The following MARCO variants were observed in gnomAD, a reference collection of about 807,000 sequenced individuals.
The protein encoded by MARCO is macrophage receptor MARCO.
A neutral mutation model predicts 70.0 loss-of-function variants in MARCO; 72 were observed. The ratio of observed to expected loss-of-function variants is 1.03; its 90% CI spans 0.85 to 1.25. The LOEUF is 1.25. Ranked by LOEUF, MARCO falls within the 50% of genes most tolerant of loss-of-function variation. The pLI is 0.00. For missense variants in MARCO, 696 were observed against 659.3 expected (o/e 1.06, Z -0.61); for synonymous variants, 273 against 243.1 (o/e 1.12, Z -1.14).
At chr2:118,991,926 C>A in intron 14 of MARCO, 51 bp downstream of exon 14, 1 of 1,253,464 alleles carries the variant, frequency 8.0e-7, no homozygotes, top group Non-Finnish European at 1.1e-6. Context: ...GCTTTACAGC[C>A]AGTTCTGTAC....
At chr2:118,963,966 A>G (rs1679996377) in intron 1 of MARCO, among the ~76,000 whole-genome samples, 1 of 152,050 alleles carries the variant, frequency 6.6e-6, no homozygotes, top group Non-Finnish European at 1.5e-5. Context: ...GATTATTTGA[A>G]TAATTTTTAG....
chr2:118,987,166 T>C (rs946223255), intron 12 of MARCO, among the ~76,000 whole-genome samples: 8 of 152,346 alleles, frequency 5.3e-5, no homozygotes, highest in African/African-American at 1.9e-4. Context: ...AAGTAAATAT[T>C]TGGAACCCTT....
chr2:118,951,074 G>A (rs1679713486), intron 1 of MARCO, among the ~76,000 whole-genome samples: 1 of 152,180 alleles, frequency 6.6e-6, no homozygotes, highest in African/African-American at 2.4e-5. Context: ...GCTTGGCTGA[G>A]TGCAAACAGC....
chr2:118,957,251 A>G (rs1193358828), intron 1 of MARCO, among the ~76,000 whole-genome samples: 1 of 152,172 alleles, frequency 6.6e-6, no homozygotes, highest in Non-Finnish European at 1.5e-5. Context: ...AGATAAACGA[A>G]GGAAAGAAGA....
chr2:118,943,727 T>G (rs1280425202), intron 1 of MARCO, among the ~76,000 whole-genome samples: 1 of 152,190 alleles, frequency 6.6e-6, no homozygotes, highest in Admixed American at 6.5e-5. Context: ...TGTATTGTAT[T>G]CACAAGAAAT....
chr2:118,969,894 C>G (rs536152400), intron 2 of MARCO, among the ~76,000 whole-genome samples: 1 of 152,148 alleles, frequency 6.6e-6, no homozygotes, highest in Non-Finnish European at 1.5e-5. Context: ...CTTTAGGCCA[C>G]GCAGAAATGT....
At chr2:118,972,968 A>G (rs189257589) in intron 4 of MARCO, among the ~76,000 whole-genome samples, 31 of 152,308 alleles carry the variant, frequency 2.0e-4, no homozygotes, top group Non-Finnish European at 1.8e-4. Flanking sequence ...GTATGAATAT[A>G]GATGTGCGTA....
intron 16 of MARCO, among the ~76,000 whole-genome samples, chr2:118,993,592 C>T (rs145738315): frequency 6.6e-5 from 10 of 152,222 alleles, no homozygotes; most frequent in African/African-American, 2.4e-4. Flanking sequence ...GGGTGTTTGC[C>T]GCAGATGGCT....
At chr2:118,962,274 T>G (rs756587316) in intron 1 of MARCO, among the ~76,000 whole-genome samples, 1 of 152,210 alleles carries the variant, frequency 6.6e-6, no homozygotes, top group African/African-American at 2.4e-5. Context: ...GGTAGTTTAA[T>G]GGGAAATGTG....
intron 1 of MARCO, chr2:118,945,063 T>A (rs1281529353): frequency 6.6e-6 from 1 of 152,212 alleles, no homozygotes; most frequent in Non-Finnish European, 1.5e-5. Context: ...AAGACTGCTT[T>A]AGTTTCCTGA....
intron 1 of MARCO, among the ~76,000 whole-genome samples, chr2:118,963,106 A>G (rs1048684212): frequency 1.3e-5 from 2 of 151,224 alleles, no homozygotes; most frequent in Admixed American, 6.6e-5. Context: ...ATTTATTTAT[A>G]TTCTTATCTT....
At position 118,970,005 on chromosome 2, in the gene MARCO, G is replaced by C; in HGVS notation, c.200-109G>C. 2.1e-6 allele frequency: 2 copies of C among 950,682 alleles called. 1 individual carries two copies. Among genetic ancestry groups the C allele is most frequent in the South Asian group, 2.9e-5 (2 of 67,916 alleles). The allele number at this position is 950,682 out of a possible 1,614,324, so 58.9% of individuals were successfully genotyped here. A position where few individuals can be genotyped will look rare whatever the true frequency, so the allele number is the denominator to read the frequency against. On this transcript the variant is annotated intron_variant, in intron 2 of 16. Transcript: ENST00000327097. ...TAGGTCCTGACAGCACATGGAATTT[G>C]TGTTTACAAATTCAGGGCCTGTAGA... is the stretch of plus-strand genomic sequence containing the variant.
At position 118,974,404 on chromosome 2, in the gene MARCO, G is replaced by A. The variant is rs764062466; in HGVS notation, c.532G>A (p.Gly178Arg). Residue 178 changes from glycine to arginine, a missense_variant, in exon 5 of 17, where the codon GGA becomes AGA. By Grantham distance (125) the Gly-to-Arg change is moderately radical. Around this residue, in one of 3 missense-constraint regions of MARCO, gnomAD observed 605 missense variants for 537.6 expected, o/e 1.13. Transcript: ENST00000327097. ...CCCGCCGGGACCACCTGCTGAGAAG[G>A]GAGCCAAGGGGGCTATGGGACGAGA... ...PGPPGPPAEK[G>R]AKGAMGRDGA... 6.2e-7 allele frequency: 1 copy of A among 1,612,808 alleles called. No individual in the cohort carries two copies. The highest frequency in any genetic ancestry group is 1.7e-5 in the Admixed American group (1 of 59,894).
At chr2:118,992,302 G>A in intron 14 of MARCO, 130 bp from the exon 15 acceptor site, 1 of 694,518 alleles carries the variant, frequency 1.4e-6, no homozygotes, top group Non-Finnish European at 2.6e-6. Flanking sequence ...CATAATGCCA[G>A]GCCACAGGCG....
chr2:118,951,010 T>C (rs1679712613), intron 1 of MARCO, among the ~76,000 whole-genome samples: 1 of 152,218 alleles, frequency 6.6e-6, no homozygotes, highest in African/African-American at 2.4e-5. Context: ...TTAGTCCAAA[T>C]TTAACTTAGA....
rs182235300 is a variant in MARCO, at chr2:118,950,121, G to A, written c.97+7724G>A. Among the ~76,000 whole-genome samples the A allele has an allele frequency of 5.3e-5, 8 of 152,224 alleles. No individual in the cohort carries two copies. The East Asian group carries it at 1.5e-3, about 29-fold the overall frequency. On this transcript the variant is annotated intron_variant, in intron 1 of 16. Coordinates refer to ENST00000327097, the MANE Select transcript of MARCO (RefSeq NM_006770.4). ...GCCAAACACCATTTTATATTTGACA[G>A]TGCTTCGTATATGATTTTATACTAG...
intron 1 of MARCO, among the ~76,000 whole-genome samples, chr2:118,966,179 C>A (rs939690823): frequency 9.9e-5 from 15 of 152,172 alleles, no homozygotes; most frequent in Admixed American, 7.2e-4. Flanking sequence ...CTTTTACAGA[C>A]TTGAAAAATT....
Position 118,969,397 on chromosome 2 carries a change from C to T in MARCO, c.199+136C>T, listed in dbSNP as rs1032846338. ...CATCTGCTGGGAGACAGTCTCAGCC[C>T]CTGGCAGCCACAGTGATGAGAGGAG... On this transcript the variant is annotated intron_variant, in intron 2 of 16. Coordinates refer to ENST00000327097, the MANE Select transcript of MARCO (RefSeq NM_006770.4). The T allele has an allele frequency of 6.1e-6, 4 of 655,684 alleles. No individual in the cohort carries two copies. In the African/African-American group the frequency reaches 7.2e-5, roughly 12 times the overall value. The allele number at this position is 655,684 out of a possible 1,614,324, so 40.6% of individuals were successfully genotyped here.
chr2:118,950,155 A>T (rs1027183146), intron 1 of MARCO, among the ~76,000 whole-genome samples: 2 of 152,204 alleles, frequency 1.3e-5, no homozygotes, highest in African/African-American at 4.8e-5. Flanking sequence ...AGAAAAGCTA[A>T]ATTTTACCTT....
Sources: allele counts gnomAD v4.1 joint callset (sites outside exome capture counted in the v4.1 genomes callset), GRCh38; gene constraint gnomAD v4.1.1; regional missense constraint gnomAD v4.1.1; transcripts MANE v1.5; gene names NCBI Gene and HGNC (gene_info 2026-07-23, HGNC 2026-07-21).